ASH2L: variants seen among roughly 807,000 people sequenced by gnomAD.
ASH2L encodes set1/Ash2 histone methyltransferase complex subunit ASH2.
In ASH2L, 30 loss-of-function variants were observed where a neutral mutation model predicts 81.1. That is an observed-to-expected ratio of 0.37 (90% CI 0.28 to 0.50). The LOEUF (loss-of-function observed/expected upper bound fraction) is 0.50, where lower values mean the gene tolerates loss of function less well. Among genes scored for constraint, ASH2L ranks in the 20% least tolerant of loss-of-function variants. The pLI is 0.95. For synonymous variants in ASH2L, 273 were observed against 279.9 expected (o/e 0.98, Z 0.24); for missense variants, 559 against 792.1 (o/e 0.71, Z 3.53).
intron 12 of ASH2L, 143 bp downstream of exon 12, chr8:38,129,094 C>A (rs989554756): frequency 5.0e-5 from 64 of 1,281,376 alleles, no homozygotes; most frequent in Non-Finnish European, 6.1e-5. Context: ...TTCAGAATAA[C>A]AGTAACAATC....
chr8:38,117,355 G>T (rs1190167911), intron 8 of ASH2L: 2 of 643,580 alleles, frequency 3.1e-6, no homozygotes, highest in African/African-American at 2.0e-5. Flanking sequence ...TTTTAAGGTG[G>T]GTTGGAAATA....
At chr8:38,135,592 CAT>C (rs1353566270) in intron 13 of ASH2L, 74 bp from the exon 14 acceptor site, 8 of 1,075,768 alleles carry the variant, frequency 7.4e-6, no homozygotes, top group South Asian at 1.5e-5. Context: ...GCACTTCTAA[CAT>C]ATTTTCCTAG....
At chr8:38,108,182 CTT>C (rs1410126200) in intron 3 of ASH2L, among the ~76,000 whole-genome samples, 1 of 151,976 alleles carries the variant, frequency 6.6e-6, no homozygotes, top group Non-Finnish European at 1.5e-5. Flanking sequence ...TAACATGTGA[CTT>C]GTGATTTAGG....
Position 38,107,004 on chromosome 8 carries a change from G to T in ASH2L, c.256-17G>T. On this transcript the variant is annotated splice_polypyrimidine_tract_variant and intron_variant, in intron 2 of 15. Transcript: ENST00000343823. ...ATTCAAGTCAACTGATTTGAGTCTC[G>T]AACTGCTCTGACACAGGAAGGTGCT... is the stretch of plus-strand genomic sequence containing the variant. The T allele has an allele frequency of 6.2e-7, 1 of 1,613,428 alleles. No homozygotes were observed. The highest frequency in any genetic ancestry group is 1.3e-5 in the African/African-American group (1 of 74,968).
intron 3 of ASH2L, among the ~76,000 whole-genome samples, chr8:38,109,662 C>T (rs1028131916): frequency 6.6e-6 from 1 of 152,186 alleles, no homozygotes; most frequent in African/African-American, 2.4e-5. Context: ...CAAGTCTTCT[C>T]TTGATGTCAG....
intron 10 of ASH2L, among the ~76,000 whole-genome samples, chr8:38,128,027 C>T (rs571046576): frequency 1.4e-5 from 2 of 139,796 alleles, no homozygotes; most frequent in East Asian, 4.1e-4. Flanking sequence ...GCCTGGGCGA[C>T]AGAGCGGGAC....
intron 2 of ASH2L, 132 bp from the exon 3 acceptor site, chr8:38,106,889 G>C: frequency 9.8e-7 from 1 of 1,022,240 alleles, no homozygotes; most frequent in Non-Finnish European, 1.4e-6. Flanking sequence ...CCAGCACTTT[G>C]GGAGGCTGAG....
chr8:38,132,202 A>T (rs189768387), intron 12 of ASH2L, among the ~76,000 whole-genome samples: 39 of 152,294 alleles, frequency 2.6e-4, no homozygotes, highest in Admixed American at 9.2e-4. Context: ...CTGGAAGGAT[A>T]CCAGGACACT....
At position 38,119,250 on chromosome 8, in the gene ASH2L, A is replaced by C. The variant is rs1311512214; in HGVS notation, c.854-20A>C. 3.2e-6 allele frequency: 5 copies of C among 1,548,666 alleles called. No individual in the cohort carries two copies. Reference sequence around the variant, plus strand: ...GTTTCCCTTGTGGCTCATTGAAAGCAATCTGCCTTCTCTTCAAAGGGGGAA... The same window carrying C: ...GTTTCCCTTGTGGCTCATTGAAAGCCATCTGCCTTCTCTTCAAAGGGGGAA... On this transcript the variant is annotated intron_variant, in intron 8 of 15. Coordinates refer to ENST00000343823, the MANE Select transcript of ASH2L (RefSeq NM_004674.5).
Position 38,112,245 on chromosome 8 carries a change from T to A in ASH2L, c.585+1412T>A, listed in dbSNP as rs144980697. Reference sequence around the variant, plus strand: ...ACCTCCTGGGTTCAAGTGATCCTCCTGCTTTGGCCTTCCAAACGTCTGGGA... The same window carrying A: ...ACCTCCTGGGTTCAAGTGATCCTCCAGCTTTGGCCTTCCAAACGTCTGGGA... On this transcript the variant is annotated intron_variant, in intron 5 of 15. Transcript: ENST00000343823. 1.1e-4 allele frequency among the ~76,000 whole-genome samples: 16 copies of A among 152,332 alleles called. No homozygotes were observed. In the East Asian group the frequency reaches 2.9e-3, roughly 28 times the overall value.
At chr8:38,128,556 T>C (rs1801945720) in intron 11 of ASH2L, 98 bp downstream of exon 11, 8 of 1,510,024 alleles carry the variant, frequency 5.3e-6, no homozygotes, top group Non-Finnish European at 7.1e-6. Context: ...TACCAGATTG[T>C]GGGCATAGAA....
In ASH2L at chr8:38,123,059, C is replaced by T. The variant is rs973187062; in HGVS notation, c.1165+1910C>T. On this transcript the variant is annotated intron_variant, in intron 10 of 15. Coordinates refer to ENST00000343823, the MANE Select transcript of ASH2L (RefSeq NM_004674.5). The stretch of plus-strand genomic sequence containing the variant: ...CTTGACCTTGCTCATATTTAATATG[C>T]ACATAAAGTAGTTTCAGAATTTCTT... 5.4e-5 allele frequency among the ~76,000 whole-genome samples: 8 copies of T among 149,292 alleles called. No individual in the cohort carries two copies. The Admixed American group carries it at 5.4e-4, about 10-fold the overall frequency.
At position 38,121,010 on chromosome 8, in the gene ASH2L, G is replaced by A. The variant is rs1248993094; in HGVS notation, c.1026G>A (p.Arg342=). 3 of 1,613,740 alleles carry A rather than the reference G, an allele frequency of 1.9e-6. No homozygotes were observed. The highest frequency in any genetic ancestry group is 1.7e-6 in the Non-Finnish European group (2 of 1,179,936). Residue 342 remains arginine, a synonymous_variant, in exon 10 of 16, where the codon CGG becomes CGA. Transcript: ENST00000343823. Reference sequence around the variant, plus strand: ...ACCCGTTTAACAAAGATGGCTATCGGTATATTCTAGCTGAGCCTGATCCGC... The same window carrying A: ...ACCCGTTTAACAAAGATGGCTATCGATATATTCTAGCTGAGCCTGATCCGC... The part of the protein sequence containing the change: ...LEHPFNKDGY[R]YILAEPDPHA...
chr8:38,129,225 A>G (rs1001518791), intron 12 of ASH2L, among the ~76,000 whole-genome samples: 4 of 152,200 alleles, frequency 2.6e-5, no homozygotes, highest in Non-Finnish European at 4.4e-5. Context: ...AGGATACATA[A>G]GCTAGAATTC....
At position 38,110,815 on chromosome 8, in the gene ASH2L, A is replaced by G. The variant is rs1810650534; in HGVS notation, c.567A>G (p.Thr189=). The part of the protein sequence containing the change: ...QSRTQDEHPK[T]MFSKDKDIIP... ...GAACACAGGATGAACATCCGAAGAC[A>G]ATGTTCTCCAAAGATAAGGTAGAGG... Residue 189 remains threonine, a synonymous_variant, in exon 5 of 16, where the codon ACA becomes ACG. Coordinates refer to ENST00000343823, the MANE Select transcript of ASH2L (RefSeq NM_004674.5). The G allele has an allele frequency of 1.2e-6, 2 of 1,613,440 alleles. No individual in the cohort carries two copies. The highest frequency in any genetic ancestry group is 2.2e-5 in the East Asian group (1 of 44,892).
chr8:38,126,797 T>C (rs1401869737), intron 10 of ASH2L, among the ~76,000 whole-genome samples: 1 of 143,658 alleles, frequency 7.0e-6, no homozygotes, highest in African/African-American at 2.6e-5. Flanking sequence ...GAGCTTGCAG[T>C]GAGCAGAGAT....
chr8:38,120,018 G>A (rs369647391), intron 9 of ASH2L, among the ~76,000 whole-genome samples: 1 of 152,112 alleles, frequency 6.6e-6, no homozygotes, highest in African/African-American at 2.4e-5. Context: ...CCAGCTACTC[G>A]GGAGGCTGAG....
chr8:38,109,916 T>C (rs538522383), intron 3 of ASH2L, among the ~76,000 whole-genome samples: 1 of 152,328 alleles, frequency 6.6e-6, no homozygotes, highest in East Asian at 1.9e-4. Flanking sequence ...ACCTTCTAGA[T>C]GCTGAATTGT....
At position 38,132,327 on chromosome 8, in the gene ASH2L, A is replaced by G. The variant is rs937502833; in HGVS notation, c.1528-1127A>G. ...TTCTTCTTTTCTAACCATGTTTAAT[A>G]CATATATATGTTAAGAAATTGAAAT... On this transcript the variant is annotated intron_variant, in intron 12 of 15. Transcript: ENST00000343823. 2.6e-5 allele frequency among the ~76,000 whole-genome samples: 4 copies of G among 152,316 alleles called. No homozygotes were observed. The South Asian group carries it at 6.2e-4, about 24-fold the overall frequency.
Sources: gnomAD v4.1 joint callset for allele counts (sites outside exome capture counted in the v4.1 genomes callset) on GRCh38, gnomAD v4.1.1 for gene constraint, MANE v1.5 for transcripts, NCBI Gene and HGNC (gene_info 2026-07-23, HGNC 2026-07-21) for gene names.